RELL1: variants seen among roughly 807,000 people sequenced by gnomAD.
RELL1 encodes RELT like 1.
Under a neutral mutation model 23.0 loss-of-function variants are expected in RELL1, and 10 were observed. The observed-to-expected ratio is 0.43, with a 90% CI of 0.27 to 0.74. The LOEUF (loss-of-function observed/expected upper bound fraction) is 0.74. Ranked by LOEUF, RELL1 falls within the 30% of genes least tolerant of loss-of-function variation. The probability of loss-of-function intolerance (pLI) is 0.19; values close to 1 mark genes in which losing one functional copy is unlikely to be tolerated. For missense variants in RELL1, 315 were observed against 364.4 expected (o/e 0.86, Z 1.10); for synonymous variants, 146 against 146.8 (o/e 0.99, Z 0.04).
At chr4:37,604,906 C>G (rs1362669512) in intron 6 of RELL1, among the ~76,000 whole-genome samples, 2 of 63,432 alleles carry the variant, frequency 3.2e-5, no homozygotes, top group South Asian at 8.9e-4. Context: ...CACAGACACA[C>G]ACACACACAC....
intron 6 of RELL1, among the ~76,000 whole-genome samples, chr4:37,598,905 G>A (rs983305988): frequency 1.3e-5 from 2 of 151,964 alleles, no homozygotes; most frequent in Non-Finnish European, 2.9e-5. Flanking sequence ...GGCTGGTCTC[G>A]AACTCCTGAG....
chr4:37,635,564 T>C (rs951424062), intron 4 of RELL1, among the ~76,000 whole-genome samples: 3 of 152,114 alleles, frequency 2.0e-5, no homozygotes, highest in African/African-American at 7.2e-5. Context: ...GAGTTCAAGG[T>C]TGCAGTAGCT....
At chr4:37,619,788 C>A (rs1039254223) in intron 6 of RELL1, among the ~76,000 whole-genome samples, 3 of 152,148 alleles carry the variant, frequency 2.0e-5, no homozygotes, top group African/African-American at 7.2e-5. Flanking sequence ...CCAGGCTGGT[C>A]TCAAACTCCT....
At chr4:37,645,170 AC>A (rs939085325) in intron 3 of RELL1, among the ~76,000 whole-genome samples, 2 of 152,190 alleles carry the variant, frequency 1.3e-5, no homozygotes, top group African/African-American at 4.8e-5. Context: ...AACTGCCAGT[AC>A]CCATTTCATG....
chr4:37,599,251 G>T (rs1378858843), intron 6 of RELL1, among the ~76,000 whole-genome samples: 1 of 152,202 alleles, frequency 6.6e-6, no homozygotes, highest in East Asian at 1.9e-4. Flanking sequence ...GAGACACGGG[G>T]TTGCCGCAGA....
At chr4:37,669,005 TG>T (rs1331662561) in intron 1 of RELL1, among the ~76,000 whole-genome samples, 2 of 117,584 alleles carry the variant, frequency 1.7e-5, no homozygotes, top group African/African-American at 4.5e-5. Context: ...AGGAGAGAGG[TG>T]GGGGGGTCAG....
chr4:37,669,116 C>T (rs1283753732), intron 1 of RELL1, among the ~76,000 whole-genome samples: 2 of 136,558 alleles, frequency 1.5e-5, no homozygotes, highest in African/African-American at 6.1e-5. Flanking sequence ...CGCCTCTGCC[C>T]GGCCGCCCCT....
chr4:37,657,810 G>A (rs887197355), intron 1 of RELL1, among the ~76,000 whole-genome samples: 1 of 152,152 alleles, frequency 6.6e-6, no homozygotes, highest in African/African-American at 2.4e-5. Context: ...TACTTGGGTG[G>A]CTGAGATGGG....
At chr4:37,665,901 A>AT in intron 1 of RELL1, among the ~76,000 whole-genome samples, 1 of 152,222 alleles carries the variant, frequency 6.6e-6, no homozygotes, top group Non-Finnish European at 1.5e-5. Flanking sequence ...AGAATAGGAC[A>AT]TAAACTAATC....
At chr4:37,650,990 C>T (rs1315693059) in intron 1 of RELL1, among the ~76,000 whole-genome samples, 1 of 147,168 alleles carries the variant, frequency 6.8e-6, no homozygotes, top group Non-Finnish European at 1.5e-5. Flanking sequence ...GCCTGCGAGG[C>T]AGAGGTTGCA....
chr4:37,665,115 A>T (rs1247804913), intron 1 of RELL1: 3 of 385,204 alleles, frequency 7.8e-6, no homozygotes, highest in African/African-American at 6.3e-5. Flanking sequence ...GCTCCTGGGT[A>T]ATCAATCAAG....
chr4:37,670,235 AGT>A (rs1269823852), intron 1 of RELL1, among the ~76,000 whole-genome samples: 2 of 151,700 alleles, frequency 1.3e-5, no homozygotes, highest in Non-Finnish European at 2.9e-5. Context: ...TGTAAGTAAC[AGT>A]CAATGAGGAG....
intron 6 of RELL1, among the ~76,000 whole-genome samples, chr4:37,595,011 A>G (rs931091126): frequency 6.6e-6 from 1 of 152,174 alleles, no homozygotes; most frequent in African/African-American, 2.4e-5. Context: ...TCACACAACC[A>G]GGCTTTATGA....
At chr4:37,669,381 G>T (rs1473455170) in intron 1 of RELL1, among the ~76,000 whole-genome samples, 3 of 145,906 alleles carry the variant, frequency 2.1e-5, no homozygotes, top group Admixed American at 2.0e-4. Flanking sequence ...TCCCCGGCCC[G>T]GCCAGCCGCC....
At chr4:37,667,745 A>T (rs2109304246) in intron 1 of RELL1, among the ~76,000 whole-genome samples, 1 of 151,952 alleles carries the variant, frequency 6.6e-6, no homozygotes, top group African/African-American at 2.4e-5. Flanking sequence ...CTTTTTTTTT[A>T]ACCAAGTGCT....
intron 1 of RELL1, among the ~76,000 whole-genome samples, chr4:37,679,934 A>T (rs1722147648): frequency 6.6e-6 from 1 of 152,172 alleles, no homozygotes; most frequent in Non-Finnish European, 1.5e-5. Context: ...CCTGGGAGAC[A>T]GAGAGAGACT....
chr4:37,662,697 G>C (rs6833920), intron 1 of RELL1, among the ~76,000 whole-genome samples: 1 of 151,824 alleles, frequency 6.6e-6, no homozygotes, highest in Non-Finnish European at 1.5e-5. Context: ...ACACTGTCTC[G>C]GGTTTACCAT....
chr4:37,626,337 G>T (rs1719942479), intron 6 of RELL1, among the ~76,000 whole-genome samples: 1 of 152,124 alleles, frequency 6.6e-6, no homozygotes, highest in South Asian at 2.1e-4. Context: ...AGTTAGCCAG[G>T]TGTGGTGGCT....
At chr4:37,590,894 A>G (rs779998208) in exon 7 of RELL1, 1 of 1,614,226 alleles carries the variant, frequency 6.2e-7, no homozygotes, top group Non-Finnish European at 8.5e-7. Context: ...CATGGCTCCG[A>G]TGGAGATGGG....
Sources: allele counts gnomAD v4.1 joint callset (sites outside exome capture counted in the v4.1 genomes callset), GRCh38; gene constraint gnomAD v4.1.1; transcripts MANE v1.5; gene names NCBI Gene and HGNC (gene_info 2026-07-23, HGNC 2026-07-21).